EHBP1: variants seen among roughly 807,000 people sequenced by gnomAD.
EHBP1 encodes the protein EH domain-binding protein 1.
A neutral mutation model predicts 144.0 loss-of-function variants in EHBP1; 55 were observed. That is an observed-to-expected ratio of 0.38 (90% CI 0.31 to 0.48). EHBP1 has a LOEUF of 0.48. Ranked by LOEUF, EHBP1 falls within the 20% of genes least tolerant of loss-of-function variation. The probability of loss-of-function intolerance (pLI) is 0.98; values close to 1 mark genes in which losing one functional copy is unlikely to be tolerated. For synonymous variants in EHBP1, 469 were observed against 472.7 expected, an observed-to-expected ratio of 0.99 and a Z score of 0.10; for missense variants, 1,200 against 1,364.2, an observed-to-expected ratio of 0.88 and a Z score of 1.90.
chr2:62,843,395 A>G (rs539476916), intron 7 of EHBP1, among the ~76,000 whole-genome samples: 53 of 151,730 alleles, frequency 3.5e-4, no homozygotes, highest in African/African-American at 1.2e-3. Flanking sequence ...TTGAAAGCTC[A>G]GTAATTCAAA....
chr2:62,752,288 C>T (rs1206925514), intron 3 of EHBP1, among the ~76,000 whole-genome samples: 4 of 152,132 alleles, frequency 2.6e-5, no homozygotes, highest in Admixed American at 6.5e-5. Context: ...TGTAGTTGAG[C>T]GGTTTTGAGT....
At chr2:63,019,993 G>A (rs1276482736) in intron 19 of EHBP1, among the ~76,000 whole-genome samples, 1 of 150,954 alleles carries the variant, frequency 6.6e-6, no homozygotes. Context: ...ATTGGAGACC[G>A]GCCTGGCCAA....
intron 2 of EHBP1, among the ~76,000 whole-genome samples, chr2:62,735,908 G>A (rs892217090): frequency 1.3e-5 from 2 of 151,902 alleles, no homozygotes; most frequent in Non-Finnish European, 2.9e-5. Context: ...CTATAGGTAA[G>A]GTATTTATTT....
Position 62,859,259 on chromosome 2 carries a change from A to G in EHBP1, c.725A>G (p.Glu242Gly), listed in dbSNP as rs780202378. 2 of 1,609,340 alleles carry G rather than the reference A, an allele frequency of 1.2e-6. No homozygotes were observed. Among genetic ancestry groups the G allele is most frequent in the Non-Finnish European group, 8.5e-7 (1 of 1,176,874 alleles). The change falls in exon 8 of 23, where the codon GAA becomes GGA. Residue 242 changes from glutamate to glycine, a missense_variant. By Grantham distance (98) the Glu-to-Gly change is moderately conservative (BLOSUM62 -2). Around this residue, in one of 6 missense-constraint regions of EHBP1, gnomAD observed 266 missense variants for 262.4 expected, o/e 1.01. Coordinates refer to ENST00000431489, the MANE Select transcript of EHBP1 (RefSeq NM_001142616.3). The stretch of plus-strand genomic sequence containing the variant: ...CCATTTGATGATCCTGATGCTGCAG[A>G]ATTAAATCCATTTGGAGATCCTGAC... ...SNPFDDPDAAELNPFGDPDSE... is the reference protein window; with the variant it reads ...SNPFDDPDAAGLNPFGDPDSE...
chr2:62,696,763 C>T (rs113616797), intron 1 of EHBP1, among the ~76,000 whole-genome samples: 347 of 152,020 alleles, frequency 2.3e-3, no homozygotes, highest in African/African-American at 8.0e-3. Flanking sequence ...GTCTTCCACC[C>T]TCCTTGGCCT....
intron 14 of EHBP1, among the ~76,000 whole-genome samples, chr2:62,974,941 TA>T (rs1487944308): frequency 6.6e-6 from 1 of 152,218 alleles, no homozygotes; most frequent in Non-Finnish European, 1.5e-5. Context: ...AATGTCTTGC[TA>T]TTATGCTCTA....
At chr2:62,789,657 C>T (rs146655073) in intron 5 of EHBP1, among the ~76,000 whole-genome samples, 94 of 152,320 alleles carry the variant, frequency 6.2e-4, no homozygotes, top group Non-Finnish European at 1.1e-3. Flanking sequence ...TGGTTCCACA[C>T]GGAGTGCCAA....
chr2:62,882,045 A>G lies in EHBP1; in HGVS notation c.1185+7513A>G, dbSNP rs150099275. ...ACTCTACTCGGGTACCTGGGCTTCT[A>G]TTTTTCTCAAGGACATTGAAGTTCA... On this transcript the variant is annotated intron_variant, in intron 10 of 22. Coordinates refer to ENST00000431489, the MANE Select transcript of EHBP1 (RefSeq NM_001142616.3). Among the ~76,000 whole-genome samples the G allele has an allele frequency of 6.0e-4, 92 of 152,256 alleles. No individual in the cohort carries two copies. The East Asian group carries it at 0.016, about 27-fold the overall frequency.
intron 10 of EHBP1, among the ~76,000 whole-genome samples, chr2:62,904,803 A>T (rs2053671859): frequency 6.6e-6 from 1 of 151,842 alleles, no homozygotes; most frequent in Admixed American, 6.6e-5. Flanking sequence ...TTTGCGGGGG[A>T]TGGAGTCTCT....
At chr2:62,937,420 G>T (rs1266765032) in intron 10 of EHBP1, among the ~76,000 whole-genome samples, 1 of 152,114 alleles carries the variant, frequency 6.6e-6, no homozygotes, top group South Asian at 2.1e-4. Flanking sequence ...ACTTTGTGGG[G>T]CATAATAGGT....
At chr2:62,831,251 T>C (rs2046806673) in intron 7 of EHBP1, 93 bp downstream of exon 7, 5 of 1,270,680 alleles carry the variant, frequency 3.9e-6, no homozygotes, top group African/African-American at 1.6e-5. Context: ...ATTCTACTTA[T>C]TGGGTTTCTT....
At chr2:62,752,360 C>G (rs1174818176) in intron 3 of EHBP1, among the ~76,000 whole-genome samples, 2 of 152,044 alleles carry the variant, frequency 1.3e-5, no homozygotes, top group African/African-American at 4.8e-5. Context: ...GTTTTAATTT[C>G]TGTTCTTTTA....
At chr2:62,864,598 A>G (rs560747278) in intron 8 of EHBP1, 133 bp from the exon 9 acceptor site, 1 of 802,782 alleles carries the variant, frequency 1.2e-6, no homozygotes, top group East Asian at 2.7e-5. Context: ...TTATTGTTTT[A>G]TTATTGCTTT....
intron 19 of EHBP1, among the ~76,000 whole-genome samples, chr2:63,012,213 A>G (rs924451539): frequency 3.9e-5 from 6 of 151,988 alleles, no homozygotes; most frequent in Non-Finnish European, 7.4e-5. Context: ...ATGATGACAT[A>G]CTAGTCTAGT....
At chr2:62,726,496 C>G (rs1409358508) in intron 2 of EHBP1, 2 of 152,308 alleles carry the variant, frequency 1.3e-5, no homozygotes, top group African/African-American at 4.8e-5. Context: ...AGGCATGTGC[C>G]AGTCATTTCA....
chr2:62,965,574 C>A (rs1343203143), intron 14 of EHBP1, among the ~76,000 whole-genome samples: 2 of 152,134 alleles, frequency 1.3e-5, no homozygotes, highest in Non-Finnish European at 2.9e-5. Context: ...TTGCATGTTG[C>A]CTTCTGAAAG....
intron 2 of EHBP1, among the ~76,000 whole-genome samples, chr2:62,743,558 G>A (rs902559048): frequency 6.6e-6 from 1 of 152,054 alleles, no homozygotes; most frequent in South Asian, 2.1e-4. Flanking sequence ...AATATTTGTC[G>A]AATGCTTATT....
intron 13 of EHBP1, among the ~76,000 whole-genome samples, chr2:62,950,568 CA>C (rs2057319827): frequency 6.6e-6 from 1 of 152,014 alleles, no homozygotes; most frequent in Non-Finnish European, 1.5e-5. Context: ...GTTTTAATAT[CA>C]AAAATGACAA....
chr2:62,979,216 T>C lies in EHBP1; in HGVS notation c.2489T>C (p.Leu830Pro). ...CAAGATGAAGAGCGACGTCGGCAGC[T>C]GAGAGAGAGAGCTCGTCAGCTAATA... ...DQQDEERRRQ[L>P]RERARQLIAE... Residue 830 changes from leucine (L) to proline (P), a missense_variant, in exon 15 of 23, where the codon CTG becomes CCG. By Grantham distance (98) the Leu-to-Pro change is moderately conservative. Around this residue, in one of 6 missense-constraint regions of EHBP1, gnomAD observed 543 missense variants for 513.1 expected, o/e 1.06. Transcript: ENST00000431489. The C allele has an allele frequency of 6.2e-7, 1 of 1,613,274 alleles. No individual in the cohort carries two copies. Among genetic ancestry groups the C allele is most frequent in the Non-Finnish European group, 8.5e-7 (1 of 1,179,544 alleles).
Sources: gnomAD v4.1 joint callset for allele counts (sites outside exome capture counted in the v4.1 genomes callset) on GRCh38, gnomAD v4.1.1 for gene constraint, gnomAD v4.1.1 regional missense constraint, MANE v1.5 for transcripts, NCBI Gene and HGNC (gene_info 2026-07-23, HGNC 2026-07-21) for gene names.